Variants in GALNTL6 observed in about 807,000 individuals in gnomAD.
GALNTL6 encodes polypeptide N-acetylgalactosaminyltransferase-like 6.
GALNTL6 carries 46 observed loss-of-function variants against 73.7 expected under a neutral mutation model. The ratio of observed to expected loss-of-function variants is 0.62; its 90% confidence interval spans 0.49 to 0.80. The LOEUF is 0.80. Ranked by LOEUF, GALNTL6 falls within the 30% of genes least tolerant of loss-of-function variation. GALNTL6 has a pLI of 0.00. For missense variants in GALNTL6, 604 were observed against 755.0 expected, an observed-to-expected ratio of 0.80 and a Z score of 2.34; for synonymous variants, 259 against 263.7, an observed-to-expected ratio of 0.98 and a Z score of 0.17.
chr4:172,136,752 G>A (rs1014166073), intron 2 of GALNTL6, among the ~76,000 whole-genome samples: 2 of 151,562 alleles, frequency 1.3e-5, no homozygotes, highest in African/African-American at 2.4e-5. Context: ...GATTGTACAA[G>A]GTAACTGACT....
At chr4:172,206,233 A>G (rs1736105614) in intron 2 of GALNTL6, among the ~76,000 whole-genome samples, 1 of 152,144 alleles carries the variant, frequency 6.6e-6, no homozygotes, top group Admixed American at 6.6e-5. Flanking sequence ...AATCCCCATA[A>G]GAATAGTTGT....
chr4:172,452,229 CT>C (rs1333009305), intron 5 of GALNTL6, among the ~76,000 whole-genome samples: 2 of 151,882 alleles, frequency 1.3e-5, no homozygotes, highest in Non-Finnish European at 2.9e-5. Context: ...GTTGAAAAGT[CT>C]TTCATTAAGA....
chr4:172,769,557 C>T (rs1396064919), intron 5 of GALNTL6, among the ~76,000 whole-genome samples: 1 of 152,128 alleles, frequency 6.6e-6, no homozygotes, highest in Non-Finnish European at 1.5e-5. Flanking sequence ...GTTTGCAGAG[C>T]TGGGAGATCC....
chr4:172,402,160 AG>A (rs1418650723), intron 5 of GALNTL6, among the ~76,000 whole-genome samples: 3 of 152,108 alleles, frequency 2.0e-5, no homozygotes, highest in Non-Finnish European at 4.4e-5. Flanking sequence ...GTCTCCAGGA[AG>A]GGTCAATTTT....
rs1739957272 is a variant in GALNTL6 at position 172,302,171 on chromosome 4, G to C, written c.248-9443G>C. On this transcript the variant is annotated intron_variant, in intron 3 of 12. Coordinates refer to ENST00000506823, the MANE Select transcript of GALNTL6 (RefSeq NM_001034845.3). Reference sequence around the variant, plus strand: ...GTGGGCGTAGGACCCTCCGAGCCAGGCATGGGATGTAATCTCCTGGTGTGC... The same window carrying C: ...GTGGGCGTAGGACCCTCCGAGCCAGCCATGGGATGTAATCTCCTGGTGTGC... Among the ~76,000 whole-genome samples, 8 of 152,194 alleles carry C rather than the reference G, an allele frequency of 5.3e-5. 1 individual carries two copies. In the South Asian group the frequency reaches 1.7e-3, roughly 31 times the overall value.
In GALNTL6 at chr4:172,650,056, T is replaced by C. The variant is rs556376985; in HGVS notation, c.554-159305T>C. ...CTTATGGTAGAAATATCCCCAAAAT[T>C]CCCATGATTATATCTCAAAGTTGCC... On this transcript the variant is annotated intron_variant, in intron 5 of 12. Coordinates refer to ENST00000506823, the MANE Select transcript of GALNTL6 (RefSeq NM_001034845.3). Among the ~76,000 whole-genome samples, 8 of 152,314 alleles carry C rather than the reference T, an allele frequency of 5.3e-5. No individual in the cohort carries two copies. The South Asian group carries it at 1.7e-3, about 32-fold the overall frequency.
intron 5 of GALNTL6, among the ~76,000 whole-genome samples, chr4:172,624,424 GA>G (rs11388110): frequency 9.4e-5 from 14 of 149,234 alleles, no homozygotes; most frequent in Admixed American, 2.7e-4. Context: ...CATCCACCTA[GA>G]AAAAAAAAAT....
At chr4:172,786,976 A>T (rs1446532808) in intron 5 of GALNTL6, among the ~76,000 whole-genome samples, 2 of 152,178 alleles carry the variant, frequency 1.3e-5, no homozygotes, top group East Asian at 3.8e-4. Flanking sequence ...TTTCAGGATC[A>T]GTTAGCTGTT....
intron 2 of GALNTL6, among the ~76,000 whole-genome samples, chr4:172,076,418 A>G (rs1213916401): frequency 6.6e-6 from 1 of 152,244 alleles, no homozygotes; most frequent in South Asian, 2.1e-4. Flanking sequence ...TTTCAATTTT[A>G]TAATGGTAAT....
intron 7 of GALNTL6, among the ~76,000 whole-genome samples, chr4:172,834,580 G>A (rs1742810414): frequency 6.6e-6 from 1 of 152,252 alleles, no homozygotes; most frequent in Non-Finnish European, 1.5e-5. Flanking sequence ...CAGCATGGGA[G>A]TTGAGGGAGG....
At chr4:172,392,846 C>A (rs779621202) in intron 5 of GALNTL6, among the ~76,000 whole-genome samples, 9 of 152,144 alleles carry the variant, frequency 5.9e-5, no homozygotes, top group African/African-American at 1.9e-4. Context: ...AACTATTTAT[C>A]AGGGGTCCAC....
Position 172,034,802 on chromosome 4 carries a change from G to T in GALNTL6, c.139-194854G>T, listed in dbSNP as rs1741886034. Among the ~76,000 whole-genome samples the T allele has an allele frequency of 2.6e-5, 4 of 152,068 alleles. No homozygotes were observed. The South Asian group carries it at 8.3e-4, about 32-fold the overall frequency. On this transcript the variant is annotated intron_variant, in intron 2 of 12. Transcript: ENST00000506823. ...TGGATTTTAGGATTTGGGGTACATT[G>T]CCTTAGGTATCTTTTGGTGCATCAA...
At chr4:171,873,604 C>G (rs1736194458) in intron 2 of GALNTL6, among the ~76,000 whole-genome samples, 1 of 152,070 alleles carries the variant, frequency 6.6e-6, no homozygotes, top group Non-Finnish European at 1.5e-5. Context: ...TGTATTTCTT[C>G]TTGGATTGAT....
At chr4:172,259,264 A>G (rs1263333771) in intron 3 of GALNTL6, among the ~76,000 whole-genome samples, 2 of 151,126 alleles carry the variant, frequency 1.3e-5, no homozygotes, top group African/African-American at 2.4e-5. Context: ...CCATGCCAAT[A>G]TCTATTATTT....
intron 5 of GALNTL6, among the ~76,000 whole-genome samples, chr4:172,632,866 C>G (rs1272732392): frequency 6.6e-6 from 1 of 152,230 alleles, no homozygotes; most frequent in Admixed American, 6.5e-5. Context: ...GCTGCTTCAG[C>G]TCCAGCTATG....
intron 2 of GALNTL6, among the ~76,000 whole-genome samples, chr4:172,013,695 C>A (rs903664301): frequency 6.6e-6 from 1 of 152,066 alleles, no homozygotes; most frequent in Non-Finnish European, 1.5e-5. Context: ...ATTTATCCTT[C>A]ATGTCACAAA....
At chr4:172,282,433 A>C (rs560988486) in intron 3 of GALNTL6, among the ~76,000 whole-genome samples, 1 of 152,302 alleles carries the variant, frequency 6.6e-6, no homozygotes, top group African/African-American at 2.4e-5. Flanking sequence ...GCACTTTGGA[A>C]AACAGTTTAG....
At chr4:172,912,488 G>A (rs1372375420) in intron 8 of GALNTL6, among the ~76,000 whole-genome samples, 1 of 152,200 alleles carries the variant, frequency 6.6e-6, no homozygotes, top group Non-Finnish European at 1.5e-5. Context: ...ATGACAGACG[G>A]TACCTGCAAA....
intron 2 of GALNTL6, among the ~76,000 whole-genome samples, chr4:172,049,407 T>C (rs1730755429): frequency 6.6e-6 from 1 of 152,162 alleles, no homozygotes; most frequent in African/African-American, 2.4e-5. Context: ...TGCCATTAGA[T>C]TATCCTTTTT....
Sources: allele counts gnomAD v4.1 joint callset (sites outside exome capture counted in the v4.1 genomes callset), GRCh38; gene constraint gnomAD v4.1.1; transcripts MANE v1.5; gene names NCBI Gene and HGNC (gene_info 2026-07-23, HGNC 2026-07-21).